The following GPHN variants were observed in gnomAD, a reference collection of about 807,000 sequenced individuals.
The protein encoded by GPHN is gephyrin.
A neutral mutation model predicts 95.5 loss-of-function variants in GPHN; 17 were observed. The observed-to-expected ratio is 0.18, with a 90% CI of 0.12 to 0.27. The LOEUF is 0.27. Ranked by LOEUF, GPHN falls within the 10% of genes least tolerant of loss-of-function variation. The pLI is 1.00. For synonymous variants in GPHN, 320 were observed against 322.5 expected (o/e 0.99, Z 0.08); for missense variants, 660 against 978.1 (o/e 0.67, Z 4.34).
the GPHN span, chr14:67,620,100 C>T: frequency 3.2e-6 from 5 of 1,564,800 alleles, no homozygotes; most frequent in South Asian, 1.2e-5. Flanking sequence ...TGAGAACTGG[C>T]ACCTGGAACC....
At chr14:67,299,002 G>A in the GPHN span, among the ~76,000 whole-genome samples, 1 of 152,200 alleles carries the variant, frequency 6.6e-6, no homozygotes, top group African/African-American at 2.4e-5. Context: ...TCTTGTATCA[G>A]TAGTTTGTAA....
chr14:66,779,046 AG>A (rs2059508108), intron 3 of GPHN, among the ~76,000 whole-genome samples: 1 of 152,030 alleles, frequency 6.6e-6, no homozygotes, highest in Non-Finnish European at 1.5e-5. Flanking sequence ...CCCAGCCTCA[AG>A]GGACATTTTT....
rs772458153 is a variant in GPHN at position 66,787,340 on chromosome 14, A to G, written c.201+10819A>G. The stretch of plus-strand genomic sequence containing the variant: ...AAAAACTGCCAAACAAAGAAATAAA[A>G]GGACACTTGAATAAAGACACATTCT... On this transcript the variant is annotated intron_variant, in intron 3 of 22. Transcript: ENST00000478722. Among the ~76,000 whole-genome samples the G allele has an allele frequency of 2.9e-4, 44 of 152,310 alleles. No homozygotes were observed. The Middle Eastern group carries it at 0.014, about 47-fold the overall frequency.
At chr14:67,068,382 C>T (rs1246199329) in intron 11 of GPHN, among the ~76,000 whole-genome samples, 1 of 152,152 alleles carries the variant, frequency 6.6e-6, no homozygotes, top group Non-Finnish European at 1.5e-5. Context: ...ACAAGTATTC[C>T]ACTGATAGGC....
intron 3 of GPHN, among the ~76,000 whole-genome samples, chr14:66,821,095 C>T (rs2061173195): frequency 6.6e-6 from 1 of 152,156 alleles, no homozygotes; most frequent in African/African-American, 2.4e-5. Context: ...TTGGTAGAGG[C>T]AGCTGAATAT....
chr14:66,531,846 G>A (rs551764020), intron 1 of GPHN, among the ~76,000 whole-genome samples: 2 of 152,058 alleles, frequency 1.3e-5, no homozygotes, highest in African/African-American at 2.4e-5. Context: ...TGTATGACAG[G>A]GTTTTCAAAA....
At chr14:67,396,444 G>T in the GPHN span, among the ~76,000 whole-genome samples, 1 of 151,728 alleles carries the variant, frequency 6.6e-6, no homozygotes, top group Non-Finnish European at 1.5e-5. Context: ...CAATGCGCCT[G>T]GCCTCTAAGA....
chr14:67,620,575 G>A, the GPHN span, among the ~76,000 whole-genome samples: 1 of 152,176 alleles, frequency 6.6e-6, no homozygotes, highest in Non-Finnish European at 1.5e-5. Flanking sequence ...GGGAGGTGGG[G>A]AGGAGCTGTT....
At position 66,670,273 on chromosome 14, in the gene GPHN, T is replaced by C. The variant is rs138939771; in HGVS notation, c.65-10834T>C. Reference sequence around the variant, plus strand: ...CTTTTGGCTAGGATTGGTAGGAGTATCTTTGTGGGGTTGGTTGAAGATGTT... The same window carrying C: ...CTTTTGGCTAGGATTGGTAGGAGTACCTTTGTGGGGTTGGTTGAAGATGTT... On this transcript the variant is annotated intron_variant, in intron 1 of 22. Coordinates refer to ENST00000478722, the MANE Select transcript of GPHN (RefSeq NM_020806.5). Among the ~76,000 whole-genome samples the C allele has an allele frequency of 5.5e-4, 84 of 152,276 alleles. 1 individual carries two copies. In the East Asian group the frequency reaches 0.015, roughly 27 times the overall value.
chr14:67,415,506 G>A, the GPHN span, among the ~76,000 whole-genome samples: 1 of 152,130 alleles, frequency 6.6e-6, no homozygotes, highest in African/African-American at 2.4e-5. Context: ...AGGTTAAAGG[G>A]TGTAAATTTT....
chr14:67,170,766 C>G (rs971915937), intron 21 of GPHN, among the ~76,000 whole-genome samples: 23 of 152,160 alleles, frequency 1.5e-4, no homozygotes, highest in African/African-American at 5.3e-4. Context: ...CTATTTGTTT[C>G]TTTTGTTTCT....
intron 1 of GPHN, among the ~76,000 whole-genome samples, chr14:66,606,815 C>T (rs564862899): frequency 8.6e-5 from 13 of 151,922 alleles, no homozygotes; most frequent in Non-Finnish European, 1.8e-4. Flanking sequence ...ATTTTGTATC[C>T]TTATTTATCA....
At chr14:67,718,370 C>G in the GPHN span, among the ~76,000 whole-genome samples, 2 of 152,182 alleles carry the variant, frequency 1.3e-5, no homozygotes, top group Non-Finnish European at 1.5e-5. Context: ...GTAAGAGGCT[C>G]CATTCTTAGT....
chr14:66,686,181 G>T (rs913737742), intron 2 of GPHN, among the ~76,000 whole-genome samples: 6 of 152,194 alleles, frequency 3.9e-5, no homozygotes, highest in Non-Finnish European at 8.8e-5. Flanking sequence ...CAGGTAGCAT[G>T]ATGCCTCCAG....
At chr14:67,501,213 C>T in the GPHN span, among the ~76,000 whole-genome samples, 23 of 152,048 alleles carry the variant, frequency 1.5e-4, no homozygotes, top group African/African-American at 5.3e-4. Flanking sequence ...CACATCAGTT[C>T]ATCCCAGAGT....
the GPHN span, among the ~76,000 whole-genome samples, chr14:67,232,014 C>T: frequency 6.6e-6 from 1 of 151,600 alleles, no homozygotes; most frequent in African/African-American, 2.4e-5. Flanking sequence ...GTCTATAGTA[C>T]TTATCACACA....
the GPHN span, among the ~76,000 whole-genome samples, chr14:67,376,892 CT>C: frequency 6.6e-6 from 1 of 152,198 alleles, no homozygotes; most frequent in Non-Finnish European, 1.5e-5. Flanking sequence ...TTCTCTACCT[CT>C]TTTGACTCTC....
At chr14:66,623,198 A>T (rs1282310465) in intron 1 of GPHN, among the ~76,000 whole-genome samples, 2 of 152,116 alleles carry the variant, frequency 1.3e-5, no homozygotes, top group Non-Finnish European at 2.9e-5. Context: ...TTGTGCAGGG[A>T]AACTCCCATT....
chr14:67,225,974 CGTGCGCAT>C, the GPHN span, among the ~76,000 whole-genome samples: 430 of 116,914 alleles, frequency 3.7e-3, no homozygotes, highest in African/African-American at 5.2e-3. Context: ...CGCGCGCGCG[CGTGCGCAT>C]GCGCGTGCAT....
Sources: gnomAD v4.1 joint callset for allele counts (sites outside exome capture counted in the v4.1 genomes callset) on GRCh38, gnomAD v4.1.1 for gene constraint, MANE v1.5 for transcripts, NCBI Gene and HGNC (gene_info 2026-07-23, HGNC 2026-07-21) for gene names.